Variants in GABBR2 observed in about 807,000 individuals in gnomAD.
GABBR2 encodes gamma-aminobutyric acid type B receptor subunit 2.
Under a neutral mutation model 105.6 loss-of-function variants are expected in GABBR2, and 23 were observed. That is an observed-to-expected ratio of 0.22 (90% CI 0.16 to 0.31). The LOEUF is 0.31. GABBR2 is among the 10% of genes least tolerant of loss of function. The pLI, the probability that GABBR2 is intolerant of heterozygous loss-of-function variation, is 1.00. For missense variants in GABBR2, 734 were observed against 1,245.5 expected (o/e 0.59, Z 6.18); for synonymous variants, 478 against 499.7 (o/e 0.96, Z 0.58).
At chr9:98,466,884 G>A (rs909558725) in intron 6 of GABBR2, among the ~76,000 whole-genome samples, 1 of 152,192 alleles carries the variant, frequency 6.6e-6, no homozygotes, top group African/African-American at 2.4e-5. Context: ...GGTAATAAGG[G>A]ATCCAGGGTC....
intron 3 of GABBR2, among the ~76,000 whole-genome samples, chr9:98,534,731 A>G (rs1828136663): frequency 6.6e-6 from 1 of 152,224 alleles, no homozygotes; most frequent in South Asian, 2.1e-4. Flanking sequence ...AATACCAAAT[A>G]CTGGAGAGGA....
chr9:98,400,532 C>A (rs60358936), intron 8 of GABBR2, among the ~76,000 whole-genome samples: 8,588 of 152,110 alleles, frequency 0.056, 599 homozygotes, highest in African/African-American at 0.17. Flanking sequence ...GGAAACCTGT[C>A]CTAAGGAAAT....
chr9:98,377,557 C>CA (rs1182097126), intron 11 of GABBR2, among the ~76,000 whole-genome samples: 1 of 152,226 alleles, frequency 6.6e-6, no homozygotes, highest in Admixed American at 6.5e-5. Context: ...TTTCAATCTA[C>CA]ACTGCCAGCT....
At chr9:98,582,087 C>G (rs1326623446) in intron 1 of GABBR2, among the ~76,000 whole-genome samples, 1 of 152,142 alleles carries the variant, frequency 6.6e-6, no homozygotes, top group Non-Finnish European at 1.5e-5. Context: ...TTGACCTTCA[C>G]CCCTTGGAAT....
intron 3 of GABBR2, among the ~76,000 whole-genome samples, chr9:98,540,720 CT>C (rs1274926717): frequency 1.3e-5 from 2 of 152,186 alleles, no homozygotes; most frequent in Non-Finnish European, 2.9e-5. Flanking sequence ...TTCTCTTGGG[CT>C]GCTAAGAACA....
At chr9:98,459,138 C>A (rs1429958682) in intron 6 of GABBR2, among the ~76,000 whole-genome samples, 2 of 152,198 alleles carry the variant, frequency 1.3e-5, no homozygotes, top group Admixed American at 6.5e-5. Flanking sequence ...GAGCCAAAGA[C>A]AGGGAGATGC....
intron 7 of GABBR2, among the ~76,000 whole-genome samples, chr9:98,417,580 T>C (rs73502846): frequency 0.031 from 4,789 of 152,280 alleles, 129 homozygotes; most frequent in African/African-American, 0.067. Context: ...GGCCCCAGTT[T>C]CCTCATTGAT....
In GABBR2 at chr9:98,646,613, CA is replaced by C. The variant is rs1303895880; in HGVS notation, c.321+61803del. 2.0e-5 allele frequency among the ~76,000 whole-genome samples: 3 copies of C among 152,220 alleles called. No homozygotes were observed. The East Asian group carries it at 5.8e-4, about 29-fold the overall frequency. On this transcript the variant is annotated intron_variant, in intron 1 of 18. Coordinates refer to ENST00000259455, the MANE Select transcript of GABBR2 (RefSeq NM_005458.8). Reference sequence around the variant, plus strand: ...GGTCTTGGGGACTCCAACGCATCTTCAAAAGCCCTAAAGCTATCATCTGAAA... The same window carrying C: ...GGTCTTGGGGACTCCAACGCATCTTCAAAGCCCTAAAGCTATCATCTGAAA...
rs576767193 is a variant in GABBR2 at position 98,388,128 on chromosome 9, C to T, written c.1529+726G>A. Among the ~76,000 whole-genome samples the T allele has an allele frequency of 2.6e-5, 4 of 152,312 alleles. No homozygotes were observed. The highest frequency in any genetic ancestry group is 1.9e-4 in the East Asian group (1 of 5,176). ...GCAAAATGCACTTGGTAAAAACCAC[C>T]GCCTGGAGTGGCGGCCTGTTCTACC... is the stretch of plus-strand genomic sequence containing the variant. On this transcript the variant is annotated intron_variant, in intron 10 of 18. Coordinates refer to ENST00000259455, the MANE Select transcript of GABBR2 (RefSeq NM_005458.8). This position sits in a 1 kb window ranked among gnomAD's most constrained non-coding sequence, Gnocchi z 4.4.
intron 13 of GABBR2, among the ~76,000 whole-genome samples, chr9:98,322,169 G>A (rs974128292): frequency 6.6e-6 from 1 of 151,766 alleles, no homozygotes; most frequent in Admixed American, 6.6e-5. Flanking sequence ...GGGGCACCAG[G>A]GGCACCCTCT....
At chr9:98,290,870 G>T in intron 18 of GABBR2, 121 bp from the exon 19 acceptor site, 3 of 558,154 alleles carry the variant, frequency 5.4e-6, no homozygotes, top group Non-Finnish European at 8.8e-6. Context: ...CTGAATCCAA[G>T]ATCTGTCCAT....
At chr9:98,299,863 T>G (rs1475810043) in intron 16 of GABBR2, among the ~76,000 whole-genome samples, 1 of 152,182 alleles carries the variant, frequency 6.6e-6, no homozygotes, top group Non-Finnish European at 1.5e-5. Context: ...AACTTGCTAC[T>G]ATAATAATAT....
At chr9:98,314,485 C>T (rs1042069990) in intron 13 of GABBR2, among the ~76,000 whole-genome samples, 10 of 152,122 alleles carry the variant, frequency 6.6e-5, no homozygotes, top group South Asian at 2.1e-4. Flanking sequence ...CTTAGATTCT[C>T]GGTGTGGAGA....
At chr9:98,369,155 G>A (rs1312536368) in intron 12 of GABBR2, among the ~76,000 whole-genome samples, 1 of 152,214 alleles carries the variant, frequency 6.6e-6, no homozygotes, top group African/African-American at 2.4e-5. Context: ...ACACTGGGGT[G>A]GCCAGGCCTC....
At chr9:98,353,707 T>C (rs10125411) in intron 13 of GABBR2, among the ~76,000 whole-genome samples, 74,708 of 152,028 alleles carry the variant, frequency 0.49, 20,741 homozygotes, top group Admixed American at 0.64. Flanking sequence ...TCAGGTGATA[T>C]GGTTTGGCTG....
At position 98,444,879 on chromosome 9, in the gene GABBR2, G is replaced by A. The variant is rs201386391; in HGVS notation, c.1236+9102C>T. Reference sequence around the variant, plus strand: ...CATGCATATGCACATGCGCGCGCGCGCACACACACACACACACACACGCAC... The same window carrying A: ...CATGCATATGCACATGCGCGCGCGCACACACACACACACACACACACGCAC... On this transcript the variant is annotated intron_variant, in intron 7 of 18. Transcript: ENST00000259455. Among the ~76,000 whole-genome samples the A allele has an allele frequency of 9.2e-3, 1,396 of 151,028 alleles. 16 individuals are homozygous for A. Among genetic ancestry groups the A allele is most frequent in the Middle Eastern group, 0.024 (7 of 294 alleles).
At chr9:98,577,069 T>C (rs1046276551) in intron 2 of GABBR2, among the ~76,000 whole-genome samples, 3 of 149,236 alleles carry the variant, frequency 2.0e-5, no homozygotes, top group African/African-American at 7.4e-5. Flanking sequence ...GACAGATGGA[T>C]GGATGGATAG....
intron 1 of GABBR2, among the ~76,000 whole-genome samples, chr9:98,678,292 G>C (rs1309407406): frequency 6.6e-6 from 1 of 152,172 alleles, no homozygotes; most frequent in African/African-American, 2.4e-5. Context: ...AAAACAACTA[G>C]AACTATCCTG....
chr9:98,393,057 TCCA>T (rs1278223784), intron 9 of GABBR2, among the ~76,000 whole-genome samples: 8 of 140,382 alleles, frequency 5.7e-5, no homozygotes, highest in Non-Finnish European at 1.6e-5. Flanking sequence ...CATCCATCCA[TCCA>T]TCCATCCATC....
Sources: gnomAD v4.1 joint callset for allele counts (sites outside exome capture counted in the v4.1 genomes callset) on GRCh38, gnomAD v4.1.1 for gene constraint, Gnocchi (gnomAD v3.1) non-coding constraint, MANE v1.5 for transcripts, NCBI Gene and HGNC (gene_info 2026-07-23, HGNC 2026-07-21) for gene names.